Variants in TDRD12 observed in about 807,000 individuals in gnomAD.
The protein encoded by TDRD12 is tudor domain containing 12.
A neutral mutation model predicts 133.5 loss-of-function variants in TDRD12; 158 were observed. That is an observed-to-expected ratio of 1.18 (90% confidence interval 1.04 to 1.35). The LOEUF is 1.35. Among genes scored for constraint, TDRD12 ranks in the 40% most tolerant of loss-of-function variants. The probability of loss-of-function intolerance (pLI) is 0.00; values close to 1 mark genes in which losing one functional copy is unlikely to be tolerated. For synonymous variants in TDRD12, 460 were observed against 477.9 expected, an observed-to-expected ratio of 0.96 and a Z score of 0.49; for missense variants, 1,443 against 1,321.3, an observed-to-expected ratio of 1.09 and a Z score of -1.43.
Position 32,738,918 on chromosome 19 carries a change from G to A in TDRD12, c.246G>A (p.Thr82=), listed in dbSNP as rs377114275. Reference sequence around the variant, plus strand: ...GCAGGGCCATTGTCAAATCAATTACGTCTTCCGCAGACCAGTACCTGGCAG... The same window carrying A: ...GCAGGGCCATTGTCAAATCAATTACATCTTCCGCAGACCAGTACCTGGCAG... The change falls in exon 3 of 28, where the codon ACG becomes ACA. Residue 82 remains threonine (T), a synonymous_variant. Coordinates refer to ENST00000444215, the Ensembl canonical transcript of TDRD12. 5.6e-5 allele frequency: 87 copies of A among 1,551,404 alleles called. 1 individual carries two copies. The highest frequency in any genetic ancestry group is 2.2e-4 in the East Asian group (9 of 40,928).
chr19:32,784,960 AG>A (rs1970865844), intron 11 of TDRD12, among the ~76,000 whole-genome samples: 1 of 151,682 alleles, frequency 6.6e-6, no homozygotes, highest in African/African-American at 2.4e-5. Flanking sequence ...ATTTTTTTGA[AG>A]GGTTTTCTGT....
chr19:32,723,637 A>G (rs1052031129), intron 1 of TDRD12, among the ~76,000 whole-genome samples: 3 of 149,078 alleles, frequency 2.0e-5, no homozygotes, highest in African/African-American at 5.0e-5. Context: ...CTTTTGTAAT[A>G]TGCATTTTGT....
intron 11 of TDRD12, 92 bp from the exon 12 acceptor site, chr19:32,790,439 C>T: frequency 7.8e-7 from 1 of 1,287,446 alleles, no homozygotes; most frequent in Non-Finnish European, 1.1e-6. Flanking sequence ...TGTGCAGCCC[C>T]TGCTATCTCT....
chr19:32,796,141 G>A (rs951037966), intron 14 of TDRD12: 20 of 985,322 alleles, frequency 2.0e-5, no homozygotes, highest in Non-Finnish European at 2.4e-5. Context: ...CCTGATGGGT[G>A]TGGAACCTGC....
intron 3 of TDRD12, among the ~76,000 whole-genome samples, chr19:32,739,362 A>T (rs1969324084): frequency 7.6e-6 from 1 of 131,374 alleles, no homozygotes; most frequent in African/African-American, 3.0e-5. Flanking sequence ...GTTCTCTATC[A>T]CCTGGCTGCT....
At chr19:32,774,800 TG>T (rs1216447408) in intron 10 of TDRD12, among the ~76,000 whole-genome samples, 31 of 152,176 alleles carry the variant, frequency 2.0e-4, no homozygotes, top group African/African-American at 7.5e-4. Flanking sequence ...CTGGCCAACA[TG>T]GTGAAACCCC....
intron 6 of TDRD12, among the ~76,000 whole-genome samples, chr19:32,754,741 A>G (rs1486362524): frequency 2.2e-5 from 3 of 139,340 alleles, no homozygotes; most frequent in South Asian, 2.2e-4. Context: ...CAATGGCGCA[A>G]TCTTGGCTCA....
chr19:32,810,865 C>A (rs1049848323), intron 23 of TDRD12, among the ~76,000 whole-genome samples: 2 of 151,824 alleles, frequency 1.3e-5, no homozygotes, highest in African/African-American at 4.8e-5. Context: ...GCACTCCAGC[C>A]GGGGCCACAG....
chr19:32,720,317 A>AT (rs1210948923), intron 1 of TDRD12, among the ~76,000 whole-genome samples: 3 of 70,638 alleles, frequency 4.2e-5, no homozygotes, highest in Non-Finnish European at 8.1e-5. Context: ...CAGCCCACGC[A>AT]TCCCCCCCAT....
In TDRD12 at chr19:32,802,913, A is replaced by G. The variant is rs1211756066; in HGVS notation, c.2332-9A>G. 3 of 1,532,440 alleles carry G rather than the reference A, an allele frequency of 2.0e-6. No homozygotes were observed. The Admixed American group carries it at 5.9e-5, about 30-fold the overall frequency. 94.9% of individuals were successfully genotyped at this position (1,532,440 alleles called of 1,614,324 possible). A position where few individuals can be genotyped will look rare whatever the true frequency, so the allele number is the denominator to read the frequency against. The stretch of plus-strand genomic sequence containing the variant: ...TGATCCACTTCCTTTATTCACCCCC[A>G]ATTTTCAGGGTTCTCCTGCAGAACA... On this transcript the variant is annotated splice_polypyrimidine_tract_variant and intron_variant, in intron 20 of 27. Transcript: ENST00000444215.
intron 13 of TDRD12, among the ~76,000 whole-genome samples, chr19:32,791,946 A>AAAAAAAAAAAAAAGACCAGGCT (rs1491403496): frequency 5.5e-4 from 14 of 25,584 alleles, no homozygotes; most frequent in African/African-American, 3.8e-3. Context: ...CCTTCACCTT[A>AAAAAAAAAAAAAAGACCAGGCT]AAAAAAAAAA....
Position 32,804,352 on chromosome 19 carries a change from G to A in TDRD12, c.2552+1210G>A, listed in dbSNP as rs531896442. 7.3e-5 allele frequency among the ~76,000 whole-genome samples: 11 copies of A among 151,290 alleles called. No homozygotes were observed. In the East Asian group the frequency reaches 1.8e-3, roughly 25 times the overall value. On this transcript the variant is annotated intron_variant, in intron 21 of 27. Coordinates refer to ENST00000444215, the Ensembl canonical transcript of TDRD12. ...CTCCCAAAGTGCTGAGATTACAGGC[G>A]TGAGCCACCGCGCCCAGCCTGATGA...
At chr19:32,768,517 A>C (rs553554170) in intron 8 of TDRD12, among the ~76,000 whole-genome samples, 2 of 151,442 alleles carry the variant, frequency 1.3e-5, no homozygotes, top group African/African-American at 4.8e-5. Context: ...GGCTCACACC[A>C]CCATGCCTGG....
intron 8 of TDRD12, among the ~76,000 whole-genome samples, chr19:32,758,481 G>A (rs1970058914): frequency 6.6e-6 from 1 of 152,144 alleles, no homozygotes; most frequent in Non-Finnish European, 1.5e-5. Context: ...TCCAGTCTGT[G>A]TATTACCCGA....
intron 26 of TDRD12, among the ~76,000 whole-genome samples, chr19:32,817,421 C>T (rs777201396): frequency 9.2e-5 from 14 of 152,098 alleles, no homozygotes; most frequent in Non-Finnish European, 1.9e-4. Flanking sequence ...AAGGTCCACA[C>T]GTGTTGCAGC....
intron 8 of TDRD12, among the ~76,000 whole-genome samples, chr19:32,771,351 G>C (rs1353553842): frequency 6.6e-6 from 1 of 152,054 alleles, no homozygotes; most frequent in Non-Finnish European, 1.5e-5. Context: ...TCATATCCAG[G>C]ATTTCACCAT....
chr19:32,829,150 G>A (rs1967679209), exon 10 of TDRD12: 2 of 152,290 alleles, frequency 1.3e-5, no homozygotes, highest in Admixed American at 1.3e-4. Flanking sequence ...GAGCTCTGGG[G>A]GCAGAGACCA....
At chr19:32,787,620 T>C (rs1970945682) in intron 11 of TDRD12, among the ~76,000 whole-genome samples, 1 of 152,130 alleles carries the variant, frequency 6.6e-6, no homozygotes, top group South Asian at 2.1e-4. Flanking sequence ...ACTGTGAGCA[T>C]AGAACCGCCT....
At chr19:32,826,719 G>T in intron 9 of TDRD12, 2 of 1,232,424 alleles carry the variant, frequency 1.6e-6, no homozygotes, top group Non-Finnish European at 2.0e-6. Flanking sequence ...TCACTGGGAA[G>T]ACTGTGAAGA....
Sources: gnomAD v4.1 joint callset for allele counts (sites outside exome capture counted in the v4.1 genomes callset) on GRCh38, gnomAD v4.1.1 for gene constraint, MANE v1.5 for transcripts, NCBI Gene and HGNC (gene_info 2026-07-23, HGNC 2026-07-21) for gene names.